The following DRC11 variants were observed in gnomAD, a reference collection of about 807,000 sequenced individuals.
The protein encoded by DRC11 is IQ and AAA domain-containing protein 1.
At chr2:236,357,395 T>C in the DRC11 span, among the ~76,000 whole-genome samples, 1 of 109,110 alleles carries the variant, frequency 9.2e-6, no homozygotes, top group African/African-American at 3.8e-5. Context: ...AGATATTATA[T>C]AGTATATGCA....
At chr2:236,399,568 AGGGTCCATGCCGCGCAGGCCCAGTCCTG>A in the DRC11 span, 2,326 of 1,188,832 alleles carry the variant, frequency 2.0e-3, 35 homozygotes, top group African/African-American at 0.028. The surrounding 1 kb of genome is among the most constrained non-coding windows in gnomAD (Gnocchi z 7.0). Flanking sequence ...AACCGTGACG[AGGGTCCATGCCGCGCAGGCCCAGTCCTG>A]GTCCCCCTGG....
At chr2:236,501,701 A>G in the DRC11 span, among the ~76,000 whole-genome samples, 2 of 152,208 alleles carry the variant, frequency 1.3e-5, no homozygotes, top group Admixed American at 6.5e-5. Context: ...CAGGCTAGAC[A>G]TACTAACAGG....
At chr2:236,392,122 T>TTTTG in the DRC11 span, 1 of 1,584,984 alleles carries the variant, frequency 6.3e-7, no homozygotes, top group Non-Finnish European at 8.7e-7. The surrounding 1 kb of genome is among the most constrained non-coding windows in gnomAD (Gnocchi z 5.1). Context: ...ATGTCTTGTG[T>TTTTG]TTTGTTTGTG....
the DRC11 span, among the ~76,000 whole-genome samples, chr2:236,458,453 T>C: frequency 6.6e-6 from 1 of 152,234 alleles, no homozygotes; most frequent in Non-Finnish European, 1.5e-5. Flanking sequence ...CACTTAGGGA[T>C]GCACAAACTA....
chr2:236,501,683 T>C, the DRC11 span, among the ~76,000 whole-genome samples: 1 of 152,018 alleles, frequency 6.6e-6, no homozygotes, highest in African/African-American at 2.4e-5. Context: ...CTGGCCTGAG[T>C]GAGGATACAG....
chr2:236,503,531 G>T, the DRC11 span: 2 of 1,169,450 alleles, frequency 1.7e-6, no homozygotes, highest in Non-Finnish European at 1.2e-6. This position sits in a 1 kb window ranked among gnomAD's most constrained non-coding sequence, Gnocchi z 4.9. Flanking sequence ...CCCAACTGCA[G>T]TCTGTCTGGG....
chr2:236,359,195 T>C, the DRC11 span, among the ~76,000 whole-genome samples: 1 of 151,540 alleles, frequency 6.6e-6, no homozygotes, highest in African/African-American at 2.4e-5. This position sits in a 1 kb window ranked among gnomAD's most constrained non-coding sequence, Gnocchi z 4.3. Flanking sequence ...CCTCCCCTAG[T>C]AGACTATATA....
chr2:236,434,229 T>C, the DRC11 span, among the ~76,000 whole-genome samples: 2 of 152,200 alleles, frequency 1.3e-5, no homozygotes, highest in African/African-American at 4.8e-5. This position sits in a 1 kb window ranked among gnomAD's most constrained non-coding sequence, Gnocchi z 5.5. Flanking sequence ...GTTCAATCTT[T>C]TTTGGGGGTT....
chr2:236,397,189 A>G, the DRC11 span, among the ~76,000 whole-genome samples: 3 of 152,204 alleles, frequency 2.0e-5, no homozygotes, highest in African/African-American at 7.2e-5. The surrounding 1 kb of genome is among the most constrained non-coding windows in gnomAD (Gnocchi z 5.0). Context: ...CCTAGTGTCT[A>G]TATAACATGC....
chr2:236,309,109 C>T, the DRC11 span, among the ~76,000 whole-genome samples: 3 of 152,164 alleles, frequency 2.0e-5, no homozygotes, highest in East Asian at 3.9e-4. The surrounding 1 kb of genome is among the most constrained non-coding windows in gnomAD (Gnocchi z 5.7). Flanking sequence ...TCAGAATACA[C>T]GTGTTACCTG....
chr2:236,357,808 TAGA>T, the DRC11 span, among the ~76,000 whole-genome samples: 1 of 126,152 alleles, frequency 7.9e-6, no homozygotes, highest in African/African-American at 3.2e-5. Flanking sequence ...TATATAAATA[TAGA>T]ATATATAAAT....
chr2:236,461,612 G>A, the DRC11 span, among the ~76,000 whole-genome samples: 1 of 152,112 alleles, frequency 6.6e-6, no homozygotes, highest in African/African-American at 2.4e-5. The surrounding 1 kb of genome is among the most constrained non-coding windows in gnomAD (Gnocchi z 4.0). Flanking sequence ...TGAGAGAGGG[G>A]GCATCTGAGT....
At chr2:236,357,324 A>G in the DRC11 span, among the ~76,000 whole-genome samples, 17 of 113,510 alleles carry the variant, frequency 1.5e-4, no homozygotes, top group South Asian at 2.7e-3. Context: ...TATATTATAT[A>G]TATTCATATA....
chr2:236,324,658 CT>C, the DRC11 span: 1 of 1,294,834 alleles, frequency 7.7e-7, no homozygotes, highest in South Asian at 1.3e-5. The surrounding 1 kb of genome is among the most constrained non-coding windows in gnomAD (Gnocchi z 5.7). Flanking sequence ...AAAGGCATTA[CT>C]TTTTCTTTTT....
chr2:236,473,817 A>C, the DRC11 span, among the ~76,000 whole-genome samples: 8 of 152,240 alleles, frequency 5.3e-5, no homozygotes, highest in East Asian at 1.5e-3. This position sits in a 1 kb window ranked among gnomAD's most constrained non-coding sequence, Gnocchi z 4.8. Context: ...GGTAAGAGAA[A>C]CATTCGGTCA....
the DRC11 span, among the ~76,000 whole-genome samples, chr2:236,310,007 C>A: frequency 2.0e-5 from 3 of 152,206 alleles, no homozygotes; most frequent in African/African-American, 4.8e-5. The surrounding 1 kb of genome is among the most constrained non-coding windows in gnomAD (Gnocchi z 5.5). Context: ...CCTGTGCACC[C>A]GTGCCTGCCC....
the DRC11 span, among the ~76,000 whole-genome samples, chr2:236,427,407 C>A: frequency 8.6e-5 from 13 of 152,030 alleles, no homozygotes; most frequent in Non-Finnish European, 1.3e-4. This position sits in a 1 kb window ranked among gnomAD's most constrained non-coding sequence, Gnocchi z 5.9. Context: ...TTATCCTGGG[C>A]CTTTCTTTAT....
the DRC11 span, among the ~76,000 whole-genome samples, chr2:236,312,141 T>C: frequency 2.6e-5 from 4 of 152,158 alleles, no homozygotes; most frequent in African/African-American, 7.2e-5. Flanking sequence ...TAAGGACATA[T>C]AGAGATAAGG....
At chr2:236,443,464 A>G in the DRC11 span, among the ~76,000 whole-genome samples, 1 of 152,206 alleles carries the variant, frequency 6.6e-6, no homozygotes, top group Non-Finnish European at 1.5e-5. This position sits in a 1 kb window ranked among gnomAD's most constrained non-coding sequence, Gnocchi z 4.4. Context: ...GCTCCCACAT[A>G]TAAGTGAGAA....
Sources: allele counts gnomAD v4.1 joint callset (sites outside exome capture counted in the v4.1 genomes callset), GRCh38; gene constraint gnomAD v4.1.1; non-coding constraint Gnocchi (gnomAD v3.1); transcripts MANE v1.5; gene names NCBI Gene and HGNC (gene_info 2026-07-23, HGNC 2026-07-21).